DMD: variants seen among roughly 807,000 people sequenced by gnomAD.
DMD encodes mutant dystrophin.
In DMD, 63 loss-of-function variants were observed where a neutral mutation model predicts 330.1. That is an observed-to-expected ratio of 0.19 (90% CI 0.16 to 0.24). The LOEUF (loss-of-function observed/expected upper bound fraction) is 0.24. Among genes scored for constraint, DMD ranks in the 10% least tolerant of loss-of-function variants. DMD has a pLI of 1.00. For missense variants in DMD, 3,344 were observed against 2,684.1 expected, an observed-to-expected ratio of 1.25 and a Z score of -5.43; for synonymous variants, 1,223 against 959.8, an observed-to-expected ratio of 1.27 and a Z score of -5.07.
intron 17 of DMD, among the ~76,000 whole-genome samples, chrX:32,536,258 C>T (rs202087933): frequency 5.6e-4 from 39 of 69,761 alleles, no homozygotes; most frequent in African/African-American, 3.6e-3. Flanking sequence ...AGTGAGACTC[C>T]GTCTCCAAAA....
At chrX:32,257,971 G>GAAA (rs141361608) in intron 43 of DMD, among the ~76,000 whole-genome samples, 1 of 102,011 alleles carries the variant, frequency 9.8e-6, no homozygotes. Context: ...AAATTTACAA[G>GAAA]AAAAAAAAAA....
chrX:33,211,217 G>T lies in DMD; in HGVS notation c.31+65C>A, dbSNP rs1163463265. On this transcript the variant is annotated intron_variant, in intron 1 of 78. Transcript: ENST00000357033. ...AATTTAAAATCAATCTACCTAATTA[G>T]TGAGCTTGTCACAAACTAAACGTTA... is the stretch of plus-strand genomic sequence containing the variant. 2.0e-5 allele frequency: 23 copies of T among 1,160,767 alleles called. No individual in the cohort carries two copies. The Admixed American group carries it at 5.4e-4, about 27-fold the overall frequency.
chrX:32,670,285 A>G (rs1266763150), intron 9 of DMD, among the ~76,000 whole-genome samples: 1 of 112,264 alleles, frequency 8.9e-6, no homozygotes, highest in Non-Finnish European at 1.9e-5. Context: ...ATCAGTAAGT[A>G]CTTGACAGAT....
chrX:31,557,145 A>G (rs1488198728), intron 55 of DMD, among the ~76,000 whole-genome samples: 1 of 112,109 alleles, frequency 8.9e-6, no homozygotes, highest in Non-Finnish European at 1.9e-5. Flanking sequence ...GATCGGGAAC[A>G]GCTCATGGTT....
chrX:31,689,179 G>T (rs1308569374), intron 52 of DMD, among the ~76,000 whole-genome samples: 1 of 111,714 alleles, frequency 9.0e-6, no homozygotes, highest in East Asian at 2.8e-4. Context: ...AAGTCAAATT[G>T]TCCCTGTTTG....
At chrX:31,528,674 A>T (rs750378638) in intron 55 of DMD, among the ~76,000 whole-genome samples, 1 of 112,192 alleles carries the variant, frequency 8.9e-6, no homozygotes, top group Non-Finnish European at 1.9e-5. Context: ...GTACAATTTC[A>T]TTTCCCAAAA....
rs752439437 is a variant in DMD, at chrX:32,363,008, G to T, written c.5155-50C>A. 3.6e-6 allele frequency: 4 copies of T among 1,123,472 alleles called. No homozygotes were observed. In the Admixed American group the frequency reaches 7.4e-5, roughly 21 times the overall value. 92.6% of individuals were successfully genotyped at this position (1,123,472 alleles called of 1,213,427 possible). ...GACTTGAAGTTAGTAATTAATGAAG[G>T]TCAAGATAGAAAAAGAGAGCCAAAC... On this transcript the variant is annotated intron_variant, in intron 36 of 78. Coordinates refer to ENST00000357033, the MANE Select transcript of DMD (RefSeq NM_004006.3).
chrX:32,448,856 A>T (rs1187212073), intron 26 of DMD, among the ~76,000 whole-genome samples: 1 of 111,116 alleles, frequency 9.0e-6, no homozygotes, highest in Non-Finnish European at 1.9e-5. Context: ...ACAGATCTGT[A>T]ACAAGAATAG....
At chrX:31,553,972 T>C (rs1406451097) in intron 55 of DMD, among the ~76,000 whole-genome samples, 1 of 112,712 alleles carries the variant, frequency 8.9e-6, no homozygotes, top group Non-Finnish European at 1.9e-5. Context: ...TTTCAATGAA[T>C]ACATATTTAC....
chrX:32,501,690 T>C (rs2044069799), intron 19 of DMD, 65 bp downstream of exon 19: 3 of 828,811 alleles, frequency 3.6e-6, no homozygotes, highest in Admixed American at 4.9e-5. Context: ...ATTCAGCTGA[T>C]AAATATGAAC....
At chrX:31,778,701 T>C (rs928971419) in intron 50 of DMD, among the ~76,000 whole-genome samples, 5 of 107,464 alleles carry the variant, frequency 4.7e-5, no homozygotes, top group Non-Finnish European at 9.6e-5. Flanking sequence ...CTCCTGAGTA[T>C]CTGGGACTAC....
At chrX:33,003,720 A>G (rs976048648) in intron 2 of DMD, among the ~76,000 whole-genome samples, 6 of 112,158 alleles carry the variant, frequency 5.3e-5, no homozygotes, top group African/African-American at 1.9e-4. Flanking sequence ...TAAAATCACA[A>G]TATCAGCTAT....
At chrX:32,565,973 G>A (rs1377805210) in intron 15 of DMD, 92 bp from the exon 16 acceptor site, 4 of 792,137 alleles carry the variant, frequency 5.0e-6, no homozygotes, top group African/African-American at 2.1e-5. Flanking sequence ...TTGCTCATTT[G>A]CATAGATAAG....
In DMD at chrX:33,285,309, TTGTGTGTG is replaced by T. The variant is rs35975571; in HGVS notation, c.7+53942_7+53949del. On this transcript the variant is annotated intron_variant, in intron 1 of 17. Coordinates refer to the DMD transcript ENST00000288447. ...TTCAAAAAGTTTAATACGAATTCAT[TTGTGTGTG>T]TGTGTGTGTGTGTTATAATGTAGTG... Among the ~76,000 whole-genome samples, 9 of 106,777 alleles carry T rather than the reference TTGTGTGTG, an allele frequency of 8.4e-5. No homozygotes were observed. In the East Asian group the frequency reaches 2.0e-3, roughly 24 times the overall value. The allele number at this position is 106,777 out of a possible 115,157, so 92.7% of individuals were successfully genotyped here. A position where few individuals can be genotyped will look rare whatever the true frequency, so the allele number is the denominator to read the frequency against.
At chrX:31,634,856 G>GA (rs1012915147) in intron 54 of DMD, among the ~76,000 whole-genome samples, 16 of 110,959 alleles carry the variant, frequency 1.4e-4, no homozygotes, top group Non-Finnish European at 2.8e-4. Flanking sequence ...ATAAATCACT[G>GA]AAAAAAATTA....
intron 60 of DMD, among the ~76,000 whole-genome samples, chrX:31,420,817 C>T (rs1301080143): frequency 2.7e-5 from 3 of 112,252 alleles, no homozygotes; most frequent in African/African-American, 6.5e-5. Context: ...CTGCCATTAG[C>T]GATTCATGGC....
intron 13 of DMD, among the ~76,000 whole-genome samples, chrX:32,581,149 G>C (rs1211112536): frequency 8.9e-6 from 1 of 112,466 alleles, no homozygotes; most frequent in Non-Finnish European, 1.9e-5. Context: ...TTATTTGAAA[G>C]CAAGTGCATA....
At chrX:31,871,544 C>T (rs1004567385) in intron 48 of DMD, among the ~76,000 whole-genome samples, 2 of 110,812 alleles carry the variant, frequency 1.8e-5, no homozygotes, top group Non-Finnish European at 3.8e-5. Context: ...AACAAACTAC[C>T]CGAATGGCAA....
At position 32,440,186 on chromosome X, in the gene DMD, A is replaced by G. The variant is rs746269949; in HGVS notation, c.3921+994T>C. Among the ~76,000 whole-genome samples, 148 of 111,826 alleles carry G rather than the reference A, an allele frequency of 1.3e-3. 1 individual carries two copies. Among genetic ancestry groups the G allele is most frequent in the African/African-American group, 4.6e-3 (142 of 30,892 alleles). On this transcript the variant is annotated intron_variant, in intron 28 of 78. Transcript: ENST00000357033. ...AAATTTGCTGCAACTTTTCTAGAAC[A>G]TGTAACACATTGCTGATTCACAAGA...
Sources: gnomAD v4.1 joint callset for allele counts (sites outside exome capture counted in the v4.1 genomes callset) on GRCh38, gnomAD v4.1.1 for gene constraint, MANE v1.5 for transcripts, NCBI Gene and HGNC (gene_info 2026-07-23, HGNC 2026-07-21) for gene names.